The following CABCOCO1 variants were observed in gnomAD, a reference collection of about 807,000 sequenced individuals.
CABCOCO1 encodes the protein ciliary associated calcium binding coiled-coil 1.
CABCOCO1 carries 28 observed loss-of-function variants against 35.7 expected under a neutral mutation model. The observed-to-expected ratio is 0.78, with a 90% CI of 0.58 to 1.07. The LOEUF (loss-of-function observed/expected upper bound fraction) is 1.07, where lower values mean the gene tolerates loss of function less well. Among genes scored for constraint, CABCOCO1 ranks in the 50% least tolerant of loss-of-function variants. CABCOCO1 has a pLI of 0.00. For synonymous variants in CABCOCO1, 95 were observed against 100.1 expected (o/e 0.95, Z 0.30); for missense variants, 326 against 309.2 (o/e 1.05, Z -0.41).
intron 1 of CABCOCO1, 152 bp downstream of exon 1, chr10:61,663,184 C>A (rs1404992263): frequency 1.0e-5 from 2 of 192,824 alleles, no homozygotes; most frequent in Non-Finnish European, 2.4e-5. Context: ...CCTGGGAGGG[C>A]GGCAGGGCTG....
chr10:61,765,863 A>G, intron 7 of CABCOCO1, 76 bp from the exon 8 acceptor site: 1 of 1,337,658 alleles, frequency 7.5e-7, no homozygotes, highest in Non-Finnish European at 1.1e-6. Context: ...GCACTATAGT[A>G]TGTCAAAACC....
At chr10:61,723,855 A>G (rs561774134) in intron 5 of CABCOCO1, among the ~76,000 whole-genome samples, 38 of 152,348 alleles carry the variant, frequency 2.5e-4, no homozygotes, top group Admixed American at 5.2e-4. Context: ...ACAACCGATC[A>G]TGGCAAAAAG....
At chr10:61,728,372 T>C (rs1411590605) in intron 5 of CABCOCO1, among the ~76,000 whole-genome samples, 1 of 152,182 alleles carries the variant, frequency 6.6e-6, no homozygotes, top group East Asian at 1.9e-4. Context: ...GAGACAGAGC[T>C]GCCAGCATTA....
Position 61,677,068 on chromosome 10 carries a change from A to AATAATAATAATAATAATAATAAT in CABCOCO1, c.165-4074_165-4073insTAATAATAATAATAATAATAATA, listed in dbSNP as rs375409640. On this transcript the variant is annotated intron_variant, in intron 2 of 7. Transcript: ENST00000648843. The stretch of plus-strand genomic sequence containing the variant: ...AAAAAGAGTGAGACTCTGTCTCAAA[A>AATAATAATAATAATAATAATAAT]AATAATAATAATAATAATAATAATA... Among the ~76,000 whole-genome samples the AATAATAATAATAATAATAATAAT allele has an allele frequency of 7.9e-3, 1,139 of 144,290 alleles. 5 individuals are homozygous for AATAATAATAATAATAATAATAAT. Among genetic ancestry groups the AATAATAATAATAATAATAATAAT allele is most frequent in the East Asian group, 0.023 (109 of 4,804 alleles). 94.7% of individuals were successfully genotyped at this position (144,290 alleles called of 152,430 possible). A position where few individuals can be genotyped will look rare whatever the true frequency, so the allele number is the denominator to read the frequency against.
chr10:61,690,564 C>G lies in CABCOCO1; in HGVS notation c.495C>G (p.Tyr165Ter). The change falls in exon 5 of 8, where the codon TAC becomes TAG. Residue 165 changes from tyrosine (Y) to a stop codon, truncating the protein, a stop_gained. Transcript: ENST00000648843. LOFTEE classifies it high-confidence loss of function. ...TATATTTCAGCTTATTTCAACACTACAAGCTATACGAGTTTATGTTCTACT... is the reference window on the plus strand; with the variant it reads ...TATATTTCAGCTTATTTCAACACTAGAAGCTATACGAGTTTATGTTCTACT... ...DYLKISLFQH[Y>*]KLYEFMFYSA... is the part of the protein sequence containing the mutation. 6.2e-7 allele frequency: 1 copy of G among 1,604,526 alleles called. No individual in the cohort carries two copies. Among genetic ancestry groups the G allele is most frequent in the Non-Finnish European group, 8.5e-7 (1 of 1,172,822 alleles).
intron 5 of CABCOCO1, among the ~76,000 whole-genome samples, chr10:61,748,467 C>A (rs1789453339): frequency 6.6e-6 from 1 of 152,142 alleles, no homozygotes; most frequent in South Asian, 2.1e-4. Flanking sequence ...ACATGCCAGG[C>A]ACTGTGTGAG....
At chr10:61,664,116 A>G (rs2131938762) in intron 1 of CABCOCO1, among the ~76,000 whole-genome samples, 2 of 152,290 alleles carry the variant, frequency 1.3e-5, no homozygotes, top group South Asian at 4.1e-4. Context: ...GCAGACCACT[A>G]AGGCATGCGG....
intron 5 of CABCOCO1, among the ~76,000 whole-genome samples, chr10:61,693,980 C>CAAACACA (rs1401577569): frequency 2.0e-5 from 3 of 151,954 alleles, no homozygotes; most frequent in Non-Finnish European, 4.4e-5. Flanking sequence ...AACCAAACCA[C>CAAACACA]AAACACAAAA....
rs1050118930 is a variant in CABCOCO1 at position 61,759,139 on chromosome 10, T to A, written c.553-920T>A. 2.6e-5 allele frequency among the ~76,000 whole-genome samples: 4 copies of A among 151,940 alleles called. No homozygotes were observed. The East Asian group carries it at 5.8e-4, about 22-fold the overall frequency. Reference sequence around the variant, plus strand: ...TGTCAGCATACTGTGGGTGGCTTCATCCCTGGGCCACAATAACAAGCTCCT... The same window carrying A: ...TGTCAGCATACTGTGGGTGGCTTCAACCCTGGGCCACAATAACAAGCTCCT... On this transcript the variant is annotated intron_variant, in intron 5 of 7. Coordinates refer to ENST00000648843, the MANE Select transcript of CABCOCO1 (RefSeq NM_001366906.2).
At chr10:61,743,209 G>A (rs370017870) in intron 5 of CABCOCO1, among the ~76,000 whole-genome samples, 1 of 152,046 alleles carries the variant, frequency 6.6e-6, no homozygotes, top group Non-Finnish European at 1.5e-5. Context: ...CCTAACTTTT[G>A]CTAAACTTGT....
chr10:61,687,990 C>T (rs1403576429), intron 4 of CABCOCO1, among the ~76,000 whole-genome samples: 1 of 151,948 alleles, frequency 6.6e-6, no homozygotes, highest in Non-Finnish European at 1.5e-5. Context: ...CCTCAAAGGT[C>T]CACAAATGAA....
At chr10:61,728,928 T>C (rs1033035713) in intron 5 of CABCOCO1, among the ~76,000 whole-genome samples, 20 of 152,138 alleles carry the variant, frequency 1.3e-4, no homozygotes, top group Non-Finnish European at 8.8e-5. Context: ...ACAGTCAAGA[T>C]TTTCATAGCA....
intron 2 of CABCOCO1, 35 bp downstream of exon 2, chr10:61,672,770 A>G (rs1461376781): frequency 2.0e-6 from 2 of 977,268 alleles, no homozygotes; most frequent in African/African-American, 3.5e-5. Context: ...CATGTAGAAG[A>G]ACAGTTCGAG....
At chr10:61,725,211 A>T (rs139832419) in intron 5 of CABCOCO1, among the ~76,000 whole-genome samples, 4,038 of 152,304 alleles carry the variant, frequency 0.027, 94 homozygotes, top group Middle Eastern at 0.11. Context: ...CAATTCCTCA[A>T]GGATCTAGAA....
intron 5 of CABCOCO1, among the ~76,000 whole-genome samples, chr10:61,749,513 T>G (rs1841735345): frequency 6.6e-6 from 1 of 152,236 alleles, no homozygotes; most frequent in African/African-American, 2.4e-5. Flanking sequence ...ATTGACTTAT[T>G]TTGGAACAAT....
chr10:61,719,027 G>T (rs1840935469), intron 5 of CABCOCO1, among the ~76,000 whole-genome samples: 2 of 152,232 alleles, frequency 1.3e-5, no homozygotes, highest in South Asian at 2.1e-4. Context: ...TAATTTTACA[G>T]AAAGTCATTA....
intron 5 of CABCOCO1, among the ~76,000 whole-genome samples, chr10:61,753,918 G>T (rs1841844881): frequency 6.6e-6 from 1 of 152,120 alleles, no homozygotes; most frequent in Non-Finnish European, 1.5e-5. Flanking sequence ...ATTCTTCCCA[G>T]TTAATTGGGC....
At chr10:61,688,465 A>T (rs904004709) in intron 4 of CABCOCO1, among the ~76,000 whole-genome samples, 4 of 152,196 alleles carry the variant, frequency 2.6e-5, no homozygotes, top group Non-Finnish European at 5.9e-5. Flanking sequence ...CCTCCCCCAC[A>T]TGACTGTAAG....
chr10:61,672,805 T>G (rs1383544374), intron 2 of CABCOCO1, 70 bp downstream of exon 2: 2 of 893,536 alleles, frequency 2.2e-6, no homozygotes, highest in Non-Finnish European at 1.3e-6. Context: ...ATGATTGTGA[T>G]TACATGTATA....
Sources: allele counts gnomAD v4.1 joint callset (sites outside exome capture counted in the v4.1 genomes callset), GRCh38; gene constraint gnomAD v4.1.1; transcripts MANE v1.5; gene names NCBI Gene and HGNC (gene_info 2026-07-23, HGNC 2026-07-21).